RUNDC3B: variants seen among roughly 807,000 people sequenced by gnomAD.
RUNDC3B encodes RUN domain-containing protein 3B.
In RUNDC3B, 33 loss-of-function variants were observed where a neutral mutation model predicts 58.4. That is an observed-to-expected ratio of 0.56 (90% CI 0.43 to 0.75). The LOEUF (loss-of-function observed/expected upper bound fraction) is 0.75, where lower values mean the gene tolerates loss of function less well. RUNDC3B is among the 30% of genes least tolerant of loss of function. The pLI, the probability that RUNDC3B is intolerant of heterozygous loss-of-function variation, is 0.00. For missense variants in RUNDC3B, 501 were observed against 535.7 expected, an observed-to-expected ratio of 0.94 and a Z score of 0.64; for synonymous variants, 193 against 195.2, an observed-to-expected ratio of 0.99 and a Z score of 0.10.
intron 2 of RUNDC3B, among the ~76,000 whole-genome samples, chr7:87,658,544 C>T (rs1411365564): frequency 6.6e-6 from 1 of 151,982 alleles, no homozygotes; most frequent in Admixed American, 6.6e-5. Flanking sequence ...ACAGAGCAAA[C>T]CACAAATAGG....
intron 2 of RUNDC3B, among the ~76,000 whole-genome samples, chr7:87,697,604 G>A (rs1159102692): frequency 3.3e-5 from 5 of 152,210 alleles, no homozygotes; most frequent in Admixed American, 3.3e-4. Flanking sequence ...ACTTCATTTT[G>A]TGATGCAAGG....
intron 7 of RUNDC3B, among the ~76,000 whole-genome samples, chr7:87,773,734 G>A (rs569113314): frequency 1.3e-5 from 2 of 152,098 alleles, no homozygotes; most frequent in East Asian, 3.9e-4. Flanking sequence ...CTGGAGTGCA[G>A]TGGCGCGATC....
intron 4 of RUNDC3B, among the ~76,000 whole-genome samples, chr7:87,717,038 T>TTGTATTTTTAGTAGAGACAGGGTTTCA (rs1830589196): frequency 6.6e-6 from 1 of 152,182 alleles, no homozygotes; most frequent in African/African-American, 2.4e-5. Flanking sequence ...TGCTCAAGTA[T>TTGTATTTTTAGTAGAGACAGGGTTTCA]CCTCTTGCCT....
intron 6 of RUNDC3B, among the ~76,000 whole-genome samples, chr7:87,762,347 CT>C (rs1194743845): frequency 6.6e-6 from 1 of 151,310 alleles, no homozygotes; most frequent in Non-Finnish European, 1.5e-5. Context: ...ATCTTAATCC[CT>C]TGTTGTATTC....
At chr7:87,647,615 C>T (rs1387837752) in intron 1 of RUNDC3B, among the ~76,000 whole-genome samples, 1 of 152,106 alleles carries the variant, frequency 6.6e-6, no homozygotes, top group Non-Finnish European at 1.5e-5. Context: ...TCCAGTATTT[C>T]ATAATTTAGT....
intron 2 of RUNDC3B, among the ~76,000 whole-genome samples, chr7:87,660,905 A>G (rs1824636109): frequency 6.6e-6 from 1 of 151,980 alleles, no homozygotes. Context: ...ATTGAGTTAT[A>G]GTCAGAATTT....
chr7:87,781,106 T>C (rs1834897022), intron 8 of RUNDC3B, among the ~76,000 whole-genome samples: 1 of 152,206 alleles, frequency 6.6e-6, no homozygotes, highest in Non-Finnish European at 1.5e-5. Context: ...GTATTGATTC[T>C]TCCAATTCAT....
chr7:87,753,970 G>A (rs1309791620), intron 6 of RUNDC3B, among the ~76,000 whole-genome samples: 1 of 152,300 alleles, frequency 6.6e-6, no homozygotes. Context: ...ATTTATTAAA[G>A]AAGGTATAAA....
intron 1 of RUNDC3B, among the ~76,000 whole-genome samples, chr7:87,637,495 C>T (rs2130255384): frequency 6.6e-6 from 1 of 152,246 alleles, no homozygotes; most frequent in East Asian, 1.9e-4. Flanking sequence ...TACTATAAAT[C>T]AGTTTTGGGA....
intron 10 of RUNDC3B, among the ~76,000 whole-genome samples, chr7:87,821,669 C>T (rs1345319843): frequency 6.6e-6 from 1 of 152,214 alleles, no homozygotes; most frequent in African/African-American, 2.4e-5. Flanking sequence ...ACCAAAACAG[C>T]ATGGTACTGG....
At chr7:87,711,659 G>A (rs1042260108) in intron 4 of RUNDC3B, among the ~76,000 whole-genome samples, 3 of 152,036 alleles carry the variant, frequency 2.0e-5, no homozygotes, top group Non-Finnish European at 2.9e-5. Context: ...ACTAACACAT[G>A]CCATGTATAA....
chr7:87,761,896 T>C (rs1833709201), intron 6 of RUNDC3B, among the ~76,000 whole-genome samples: 3 of 151,902 alleles, frequency 2.0e-5, no homozygotes, highest in Admixed American at 2.0e-4. Flanking sequence ...TTCCCAGTTC[T>C]TTAACTATAC....
At position 87,700,500 on chromosome 7, in the gene RUNDC3B, G is replaced by C. The variant is rs766011257; in HGVS notation, c.318G>C (p.Gln106His). Residue 106 changes from glutamine to histidine, a missense_variant, in exon 3 of 11, where the codon CAG becomes CAC. Physicochemically the swap from Gln to His is conservative, Grantham distance 24. Transcript: ENST00000394654. The stretch of plus-strand genomic sequence containing the variant: ...GAGTGGCTTGCCGGAAAGTTTCACA[G>C]AATTGTATCTGCAGCATTGAAAATA... ...YIRVACRKVS[Q>H]NCICSIENME... The C allele has an allele frequency of 6.2e-7, 1 of 1,613,494 alleles. No individual in the cohort carries two copies. Among genetic ancestry groups the C allele is most frequent in the African/African-American group, 1.3e-5 (1 of 74,902 alleles).
chr7:87,701,289 A>G (rs1585140853), intron 3 of RUNDC3B, among the ~76,000 whole-genome samples: 1 of 152,228 alleles, frequency 6.6e-6, no homozygotes, highest in Non-Finnish European at 1.5e-5. Context: ...AAGTGAGCCT[A>G]TTACTTCAAG....
intron 8 of RUNDC3B, among the ~76,000 whole-genome samples, chr7:87,786,286 T>C (rs1369240961): frequency 2.0e-5 from 3 of 152,182 alleles, no homozygotes; most frequent in Non-Finnish European, 2.9e-5. Context: ...TGAGACTAAG[T>C]ATCATAGACT....
At chr7:87,757,597 A>G (rs1239124728) in intron 6 of RUNDC3B, among the ~76,000 whole-genome samples, 1 of 152,162 alleles carries the variant, frequency 6.6e-6, no homozygotes, top group African/African-American at 2.4e-5. Flanking sequence ...ACACCAAGCA[A>G]TCTATAGACC....
intron 2 of RUNDC3B, among the ~76,000 whole-genome samples, chr7:87,696,128 A>G (rs989967666): frequency 1.3e-5 from 2 of 152,150 alleles, no homozygotes; most frequent in Non-Finnish European, 2.9e-5. Context: ...AATACTTATA[A>G]TTGAAAGCAT....
intron 9 of RUNDC3B, among the ~76,000 whole-genome samples, chr7:87,811,213 T>G (rs1391345352): frequency 6.6e-6 from 1 of 152,168 alleles, no homozygotes; most frequent in Non-Finnish European, 1.5e-5. Context: ...CATATTTATA[T>G]TTTCTACTTA....
intron 4 of RUNDC3B, among the ~76,000 whole-genome samples, chr7:87,719,306 T>C (rs1830732391): frequency 6.6e-6 from 1 of 151,984 alleles, no homozygotes; most frequent in South Asian, 2.1e-4. Flanking sequence ...AGAATACAGC[T>C]TAGCTCCCTA....
Sources: allele counts gnomAD v4.1 joint callset (sites outside exome capture counted in the v4.1 genomes callset), GRCh38; gene constraint gnomAD v4.1.1; transcripts MANE v1.5; gene names NCBI Gene and HGNC (gene_info 2026-07-23, HGNC 2026-07-21).